GPRIN1: variants seen among roughly 807,000 people sequenced by gnomAD.
GPRIN1 encodes the protein G protein regulated inducer of neurite outgrowth 1.
Under a neutral mutation model 2.8 loss-of-function variants are expected in GPRIN1, and 4 were observed. The observed-to-expected ratio is 1.45, with a 90% CI of 0.71 to 3.32. GPRIN1 has a LOEUF of 3.32. Among genes scored for constraint, GPRIN1 ranks in the 30% most tolerant of loss-of-function variants. The pLI is 0.01. For synonymous variants in GPRIN1, 589 were observed against 589.9 expected, an observed-to-expected ratio of 1.00 and a Z score of 0.02; for missense variants, 1,322 against 1,343.4, an observed-to-expected ratio of 0.98 and a Z score of 0.25.
At position 176,597,852 on chromosome 5, in the gene GPRIN1, C is replaced by T; in HGVS notation, c.1983G>A (p.Lys661=). 6.2e-7 allele frequency: 1 copy of T among 1,613,166 alleles called. No individual in the cohort carries two copies. Among genetic ancestry groups the T allele is most frequent in the Non-Finnish European group, 8.5e-7 (1 of 1,179,752 alleles). ...CCTTCTCTGAGGCCTGTGGTGTCTC[C>T]TTTTTCAAACACACAGCCCCTGCTT... ...PGEAGAVCLK[K]ETPQASEKVD... is the part of the protein sequence containing the mutation. Residue 661 remains lysine, a synonymous_variant, in exon 2 of 2, where the codon AAG becomes AAA. Transcript: ENST00000303991. The surrounding 1 kb of genome is among the most constrained non-coding windows in gnomAD (Gnocchi z 6.1).
In GPRIN1 at chr5:176,596,926, GAGCCCGAACGGCC is replaced by G. The variant is rs1181852202; in HGVS notation, c.2896_2908del (p.Gly966ArgfsTer115). 8.2e-7 allele frequency: 1 copy of G among 1,218,592 alleles called. No homozygotes were observed. The highest frequency in any genetic ancestry group is 1.0e-6 in the Non-Finnish European group (1 of 980,882). The allele number at this position is 1,218,592 out of a possible 1,614,324, so 75.5% of individuals were successfully genotyped here. A position where few individuals can be genotyped will look rare whatever the true frequency, so the allele number is the denominator to read the frequency against. ...GCCATCTGGGGGCGCGGTGCGCACC[GAGCCCGAACGGCC>G]GGGGCCGGCACGGGCGGCGGGCGGC... is the stretch of plus-strand genomic sequence containing the variant. On this transcript the variant is annotated frameshift_variant, in exon 2 of 2. Coordinates refer to ENST00000303991, the MANE Select transcript of GPRIN1 (RefSeq NM_052899.3). LOFTEE classifies it high-confidence loss of function. This position sits in a 1 kb window ranked among gnomAD's most constrained non-coding sequence, Gnocchi z 5.2.
In GPRIN1 at chr5:176,598,095, T is replaced by C. The variant is rs763096864; in HGVS notation, c.1740A>G (p.Gly580=). The part of the protein sequence containing the change: ...VSIGKVVSTP[G]KTVPVPSGKV... ...TCCCCGAGGGCACCGGGACTGTTTT[T>C]CCTGGAGTTGAGACCACTTTACCTA... Residue 580 remains glycine, a synonymous_variant, in exon 2 of 2, where the codon GGA becomes GGG. Transcript: ENST00000303991. 6.2e-7 allele frequency: 1 copy of C among 1,613,672 alleles called. No individual in the cohort carries two copies. Among genetic ancestry groups the C allele is most frequent in the Non-Finnish European group, 8.5e-7 (1 of 1,180,022 alleles).
rs1316187856 is a variant in GPRIN1 at position 176,597,613 on chromosome 5, G to A, written c.2222C>T (p.Ala741Val). The change falls in exon 2 of 2, where the codon GCC becomes GTC. Residue 741 changes from alanine to valine, a missense_variant. Around this residue, in one of 3 missense-constraint regions of GPRIN1, gnomAD observed 1,117 missense variants for 1,128.6 expected, o/e 0.99. Coordinates refer to ENST00000303991, the MANE Select transcript of GPRIN1 (RefSeq NM_052899.3). This position sits in a 1 kb window ranked among gnomAD's most constrained non-coding sequence, Gnocchi z 6.1. Reference sequence around the variant, plus strand: ...CTCCACGCGGCCTTCACTGCCCCTGGCACCCTCGGGAGACCGGGCTGAGCC... The same window carrying A: ...CTCCACGCGGCCTTCACTGCCCCTGACACCCTCGGGAGACCGGGCTGAGCC... ...ALGSARSPEG[A>V]RGSEGRVEPK... 1.9e-6 allele frequency: 3 copies of A among 1,600,062 alleles called. No individual in the cohort carries two copies. Among genetic ancestry groups the A allele is most frequent in the Admixed American group, 3.3e-5 (2 of 59,872 alleles).
Position 176,597,232 on chromosome 5 carries a change from G to T in GPRIN1, c.2603C>A (p.Thr868Lys), listed in dbSNP as rs780805779. ...CATGGGCCCAGTGGCCACGGAGCGC[G>T]TCTCGGCGGCGCCCAGCGACACCTG... ...GLQVSLGAAE[T>K]RSVATGPMTP... is the part of the protein sequence containing the mutation. The change falls in exon 2 of 2, where the codon ACG (threonine) becomes AAG (lysine). Residue 868 changes from threonine to lysine, a missense_variant. This residue lies in a region of GPRIN1 where 1,117 missense variants were observed against 1,128.6 expected (regional missense o/e 0.99). Coordinates refer to ENST00000303991, the MANE Select transcript of GPRIN1 (RefSeq NM_052899.3). This position sits in a 1 kb window ranked among gnomAD's most constrained non-coding sequence, Gnocchi z 6.1. The T allele has an allele frequency of 1.2e-4, 152 of 1,256,932 alleles. No individual in the cohort carries two copies. The highest frequency in any genetic ancestry group is 1.4e-4 in the Non-Finnish European group (145 of 1,002,264). The allele number at this position is 1,256,932 out of a possible 1,614,324, so 77.9% of individuals were successfully genotyped here.
chr5:176,602,283 G>C lies in GPRIN1; in HGVS notation c.-43-2406C>G, dbSNP rs777120108. The stretch of plus-strand genomic sequence containing the variant: ...AACAGCCTCCTCCCCAGCTCTGGCT[G>C]GCATTCTCCACCCTCTTATTCTAAT... On this transcript the variant is annotated intron_variant, in intron 1 of 1. Transcript: ENST00000303991. This position sits in a 1 kb window ranked among gnomAD's most constrained non-coding sequence, Gnocchi z 4.4. Among the ~76,000 whole-genome samples the C allele has an allele frequency of 8.5e-5, 13 of 152,188 alleles. No homozygotes were observed. Among genetic ancestry groups the C allele is most frequent in the Non-Finnish European group, 1.9e-4 (13 of 68,042 alleles).
Position 176,599,159 on chromosome 5 carries a change from A to T in GPRIN1, c.676T>A (p.Tyr226Asn), listed in dbSNP as rs372184785. 32 of 1,612,950 alleles carry T rather than the reference A, an allele frequency of 2.0e-5. No individual in the cohort carries two copies. In the African/African-American group the frequency reaches 4.0e-4, roughly 20 times the overall value. ...KVDPLCSSKTYTVSPRKEDPG... is the reference protein window; with the variant it reads ...KVDPLCSSKTNTVSPRKEDPG... ...TCCTCCTTCCTCGGTGACACTGTAT[A>T]CGTCTTGCTGGAGCACAAAGGATCT... The change falls in exon 2 of 2, where the codon TAT becomes AAT. Residue 226 changes from tyrosine to asparagine, a missense_variant. Transcript: ENST00000303991.
Position 176,596,813 on chromosome 5 carries a change from C to A in GPRIN1, c.3022G>T (p.Glu1008Ter). The A allele has an allele frequency of 1.4e-6, 2 of 1,428,712 alleles. No homozygotes were observed. Among genetic ancestry groups the A allele is most frequent in the Non-Finnish European group, 1.8e-6 (2 of 1,090,318 alleles). 88.5% of individuals were successfully genotyped at this position (1,428,712 alleles called of 1,614,324 possible). A position where few individuals can be genotyped will look rare whatever the true frequency, so the allele number is the denominator to read the frequency against. Reference protein sequence around the residue: ...RCCSRAGPTAE With the variant: ...RCCSRAGPTA ...GCGTACAAAATGGGGGCAGATCACT[C>A]GGCCGTGGGTCCCGCCCGCGAGCAG... Residue 1008 changes from glutamate to a stop codon, truncating the protein, a stop_gained, in exon 2 of 2, where the codon GAG becomes TAG. Transcript: ENST00000303991. LOFTEE classifies it high-confidence loss of function. This position sits in a 1 kb window ranked among gnomAD's most constrained non-coding sequence, Gnocchi z 5.2.
intron 1 of GPRIN1, 56 bp from the exon 2 acceptor site, chr5:176,599,933 T>G: frequency 8.8e-7 from 1 of 1,136,930 alleles, no homozygotes; most frequent in South Asian, 3.4e-5. Flanking sequence ...GGGAGGAGAC[T>G]CTGCCTTCTC....
At position 176,597,288 on chromosome 5, in the gene GPRIN1, G is replaced by C. The variant is rs1237228694; in HGVS notation, c.2547C>G (p.Pro849=). 8.1e-7 allele frequency: 1 copy of C among 1,234,986 alleles called. No individual in the cohort carries two copies. Among genetic ancestry groups the C allele is most frequent in the Non-Finnish European group, 1.0e-6 (1 of 991,386 alleles). The allele number at this position is 1,234,986 out of a possible 1,614,324, so 76.5% of individuals were successfully genotyped here. ...AFSFQAAPRA[P]SPPSRRDAGL... ...CCGCATCTCGGCGCGAGGGCGGGCT[G>C]GGCGCGCGCGGCGCCGCCTGGAAGC... The change falls in exon 2 of 2, where the codon CCC becomes CCG. Residue 849 remains proline (P), a synonymous_variant. Transcript: ENST00000303991. The surrounding 1 kb of genome is among the most constrained non-coding windows in gnomAD (Gnocchi z 6.1).
At chr5:176,608,311 A>C (rs1209131049) in intron 1 of GPRIN1, among the ~76,000 whole-genome samples, 2 of 152,152 alleles carry the variant, frequency 1.3e-5, no homozygotes, top group East Asian at 1.9e-4. Flanking sequence ...GCAGTAGAAG[A>C]AGCAAGAGCT....
At position 176,598,844 on chromosome 5, in the gene GPRIN1, G is replaced by A; in HGVS notation, c.991C>T (p.Pro331Ser). The change falls in exon 2 of 2, where the codon CCT (proline) becomes TCT (serine). Residue 331 changes from proline to serine, a missense_variant. Around this residue, in one of 3 missense-constraint regions of GPRIN1, gnomAD observed 1,117 missense variants for 1,128.6 expected, o/e 0.99. Coordinates refer to ENST00000303991, the MANE Select transcript of GPRIN1 (RefSeq NM_052899.3). ...GGAGCCCCGGTCCCAGAGGATACAG[G>A]CCCATTCTTGCCTGATGAGCCTGGA... ...LIPGSSGKNG[P>S]VSSGTGAPGS... The A allele has an allele frequency of 6.2e-7, 1 of 1,613,828 alleles. No homozygotes were observed. The highest frequency in any genetic ancestry group is 8.5e-7 in the Non-Finnish European group (1 of 1,179,990).
At position 176,605,913 on chromosome 5, in the gene GPRIN1, C is replaced by T. The variant is rs139344311; in HGVS notation, c.-44+4086G>A. 1.2e-3 allele frequency among the ~76,000 whole-genome samples: 185 copies of T among 152,308 alleles called. 2 individuals carry two copies. In the South Asian group the frequency reaches 0.021, roughly 17 times the overall value. Reference sequence around the variant, plus strand: ...CCTTCTCTGGAAAACAGGAATTCAACAGCTGCCTGGCTGGTGTACAGGGAG... The same window carrying T: ...CCTTCTCTGGAAAACAGGAATTCAATAGCTGCCTGGCTGGTGTACAGGGAG... On this transcript the variant is annotated intron_variant, in intron 1 of 1. Transcript: ENST00000303991.
At chr5:176,609,690 G>C (rs1254026291) in intron 1 of GPRIN1, among the ~76,000 whole-genome samples, 1 of 152,006 alleles carries the variant, frequency 6.6e-6, no homozygotes, top group Non-Finnish European at 1.5e-5. Context: ...CGGCGGCAAG[G>C]CCGGGCGCGG....
In GPRIN1 at chr5:176,609,683, C is replaced by G. The variant is rs901340118; in HGVS notation, c.-44+316G>C. On this transcript the variant is annotated intron_variant, in intron 1 of 1. Coordinates refer to ENST00000303991, the MANE Select transcript of GPRIN1 (RefSeq NM_052899.3). ...CATGCCGAACAAAGCCAGCGGGCGG[C>G]GGCAAGGCCGGGCGCGGGGCCGACC... 8.5e-5 allele frequency among the ~76,000 whole-genome samples: 13 copies of G among 152,114 alleles called. No homozygotes were observed. The South Asian group carries it at 2.1e-3, about 24-fold the overall frequency.
intron 1 of GPRIN1, among the ~76,000 whole-genome samples, chr5:176,606,028 C>T (rs1445581946): frequency 2.0e-5 from 3 of 152,134 alleles, no homozygotes; most frequent in African/African-American, 7.2e-5. Context: ...GAAGCCCAGC[C>T]CTGGGGTCCT....
At chr5:176,601,062 A>G (rs1441380110) in intron 1 of GPRIN1, among the ~76,000 whole-genome samples, 1 of 152,060 alleles carries the variant, frequency 6.6e-6, no homozygotes, top group Non-Finnish European at 1.5e-5. Flanking sequence ...AATGTAAAAT[A>G]TGCTAATTAA....
Position 176,597,242 on chromosome 5 carries a change from C to T in GPRIN1, c.2593G>A (p.Ala865Thr). ...GTGGCCACGGAGCGCGTCTCGGCGG[C>T]GCCCAGCGACACCTGCAGGCCCGCA... ...RDAGLQVSLG[A>T]AETRSVATGP... Residue 865 changes from alanine (A) to threonine (T), a missense_variant, in exon 2 of 2, where the codon GCC (alanine) becomes ACC (threonine). Ala to Thr is a moderately conservative substitution (Grantham distance 58). Transcript: ENST00000303991. This position sits in a 1 kb window ranked among gnomAD's most constrained non-coding sequence, Gnocchi z 6.1. 1 of 1,254,046 alleles carries T rather than the reference C, an allele frequency of 8.0e-7. No individual in the cohort carries two copies. Among genetic ancestry groups the T allele is most frequent in the South Asian group, 3.0e-5 (1 of 32,864 alleles). The allele number at this position is 1,254,046 out of a possible 1,614,324, so 77.7% of individuals were successfully genotyped here. A position where few individuals can be genotyped will look rare whatever the true frequency, so the allele number is the denominator to read the frequency against.
Position 176,595,971 on chromosome 5 carries a change from A to T in GPRIN1, c.*837T>A, listed in dbSNP as rs1759024837. ...TTTAAAAGACAACTGTGGTTATAGA[A>T]TGAGCTCTCTGTCCTGTCCCCAATA... On this transcript the variant is annotated 3_prime_UTR_variant, in exon 2 of 2. Coordinates refer to ENST00000303991, the MANE Select transcript of GPRIN1 (RefSeq NM_052899.3). 1 of 264,762 alleles carries T rather than the reference A, an allele frequency of 3.8e-6. No homozygotes were observed. Among genetic ancestry groups the T allele is most frequent in the African/African-American group, 2.2e-5 (1 of 45,192 alleles). The allele number at this position is 264,762 out of a possible 1,614,324, so 16.4% of individuals were successfully genotyped here.
rs553578945 is a variant in GPRIN1 at position 176,596,263 on chromosome 5, G to A, written c.*545C>T. 1.3e-5 allele frequency: 2 copies of A among 152,512 alleles called. No individual in the cohort carries two copies. The highest frequency in any genetic ancestry group is 1.9e-4 in the East Asian group (1 of 5,182). The allele number at this position is 152,512 out of a possible 1,614,324, so 9.4% of individuals were successfully genotyped here. ...AGCATGCAAGAGACGCCCCGGCCACGGGGCCAGCCACTGCGTGGAGACGCT... is the reference window on the plus strand; with the variant it reads ...AGCATGCAAGAGACGCCCCGGCCACAGGGCCAGCCACTGCGTGGAGACGCT... On this transcript the variant is annotated 3_prime_UTR_variant, in exon 2 of 2. Transcript: ENST00000303991. This position sits in a 1 kb window ranked among gnomAD's most constrained non-coding sequence, Gnocchi z 5.2.
Sources: allele counts gnomAD v4.1 joint callset (sites outside exome capture counted in the v4.1 genomes callset), GRCh38; gene constraint gnomAD v4.1.1; regional missense constraint gnomAD v4.1.1; non-coding constraint Gnocchi (gnomAD v3.1); transcripts MANE v1.5; gene names NCBI Gene and HGNC (gene_info 2026-07-23, HGNC 2026-07-21).